Variants in MERTK observed in about 807,000 individuals in gnomAD.
MERTK encodes tyrosine-protein kinase Mer.
A neutral mutation model predicts 99.3 loss-of-function variants in MERTK; 69 were observed. The observed-to-expected ratio is 0.70, with a 90% CI of 0.57 to 0.85. MERTK has a LOEUF of 0.85. Among genes scored for constraint, MERTK ranks in the 40% least tolerant of loss-of-function variants. MERTK has a pLI of 0.00. For synonymous variants in MERTK, 426 were observed against 467.6 expected (o/e 0.91, Z 1.15); for missense variants, 1,125 against 1,249.4 (o/e 0.90, Z 1.50).
intron 1 of MERTK, among the ~76,000 whole-genome samples, chr2:111,927,948 C>T (rs190860756): frequency 2.0e-5 from 3 of 152,228 alleles, no homozygotes; most frequent in East Asian, 1.9e-4. Flanking sequence ...TCCCTCCCAA[C>T]GTATTTGAAT....
At chr2:112,021,031 TAA>T (rs763950331) in intron 16 of MERTK, among the ~76,000 whole-genome samples, 39 of 115,726 alleles carry the variant, frequency 3.4e-4, no homozygotes, top group Admixed American at 2.7e-4. Flanking sequence ...CCATGTCTAC[TAA>T]AAAAAAAAAA....
chr2:111,957,253 G>C (rs1362080811), intron 4 of MERTK, among the ~76,000 whole-genome samples: 1 of 152,084 alleles, frequency 6.6e-6, no homozygotes, highest in East Asian at 1.9e-4. Flanking sequence ...TTCTCCATGT[G>C]GCCGCTGGAG....
chr2:112,021,340 T>C, intron 16 of MERTK, 82 bp from the exon 17 acceptor site: 1 of 1,590,492 alleles, frequency 6.3e-7, no homozygotes, highest in Non-Finnish European at 8.6e-7. Context: ...TTATCATAAG[T>C]GTTTTCACCT....
At chr2:111,928,425 A>G (rs1243820831) in intron 1 of MERTK, among the ~76,000 whole-genome samples, 2 of 150,080 alleles carry the variant, frequency 1.3e-5, no homozygotes, top group East Asian at 2.0e-4. Flanking sequence ...TCGAACCTCA[A>G]TCAGCTTTTT....
At chr2:111,964,770 T>C (rs1484288001) in intron 4 of MERTK, among the ~76,000 whole-genome samples, 2 of 152,230 alleles carry the variant, frequency 1.3e-5, no homozygotes, top group African/African-American at 4.8e-5. Flanking sequence ...ATTTTTAAAC[T>C]GTGGCTTTTA....
At chr2:111,950,698 G>T (rs1056940168) in intron 4 of MERTK, among the ~76,000 whole-genome samples, 3 of 152,122 alleles carry the variant, frequency 2.0e-5, no homozygotes, top group African/African-American at 7.2e-5. Context: ...GTCTCTTCTT[G>T]TGCTTATTAA....
chr2:111,938,449 T>A (rs752918593), intron 2 of MERTK, among the ~76,000 whole-genome samples: 138 of 152,314 alleles, frequency 9.1e-4, no homozygotes, highest in South Asian at 3.9e-3. Flanking sequence ...GTATTTCTTT[T>A]AAAAAGACTC....
At chr2:111,918,723 G>A (rs534612794) in intron 1 of MERTK, among the ~76,000 whole-genome samples, 56 of 152,346 alleles carry the variant, frequency 3.7e-4, no homozygotes, top group African/African-American at 1.3e-3. Context: ...TTTGAAACAA[G>A]ACAGATCAGA....
intron 4 of MERTK, among the ~76,000 whole-genome samples, chr2:111,964,727 T>TA (rs1288952301): frequency 6.6e-6 from 1 of 152,178 alleles, no homozygotes; most frequent in African/African-American, 2.4e-5. Context: ...TTTTTACTAT[T>TA]AAAAAAGGAT....
chr2:111,969,675 C>G (rs1055094895), intron 6 of MERTK, among the ~76,000 whole-genome samples: 6 of 150,002 alleles, frequency 4.0e-5, no homozygotes, highest in African/African-American at 1.5e-4. Context: ...CCTCACCCAC[C>G]ACCTCCAGCC....
At chr2:111,907,469 C>T (rs905489144) in intron 1 of MERTK, among the ~76,000 whole-genome samples, 1 of 152,190 alleles carries the variant, frequency 6.6e-6, no homozygotes, top group Non-Finnish European at 1.5e-5. Context: ...CCATTCCCTG[C>T]CACCTGGGCT....
chr2:111,996,798 T>C (rs1343249719), intron 9 of MERTK: 1 of 180,236 alleles, frequency 5.5e-6, no homozygotes, highest in African/African-American at 2.4e-5. Context: ...CGATCCAAAC[T>C]TAGAAAGGAA....
chr2:111,933,066 G>A (rs1316679110), intron 2 of MERTK, among the ~76,000 whole-genome samples: 1 of 152,164 alleles, frequency 6.6e-6, no homozygotes. Flanking sequence ...CCAAGATGGC[G>A]ATACTCCTGC....
intron 10 of MERTK, among the ~76,000 whole-genome samples, chr2:111,998,495 G>A (rs1676798976): frequency 6.6e-6 from 1 of 152,144 alleles, no homozygotes; most frequent in African/African-American, 2.4e-5. Flanking sequence ...CACAGTTCAT[G>A]GGGAGTCAGG....
chr2:111,906,222 C>CT (rs1684134323), intron 1 of MERTK, among the ~76,000 whole-genome samples: 4 of 152,118 alleles, frequency 2.6e-5, no homozygotes, highest in Admixed American at 2.6e-4. Flanking sequence ...TGACAGGTCC[C>CT]CTTTTTTGTG....
intron 7 of MERTK, among the ~76,000 whole-genome samples, chr2:111,978,190 C>G (rs1676294463): frequency 6.7e-6 from 1 of 149,912 alleles, no homozygotes; most frequent in Non-Finnish European, 1.5e-5. Flanking sequence ...ACTCTCGTTG[C>G]CCAGGCTGGA....
chr2:112,022,867 G>A (rs183601048), intron 18 of MERTK, among the ~76,000 whole-genome samples: 16 of 152,212 alleles, frequency 1.1e-4, no homozygotes, highest in Admixed American at 9.2e-4. Flanking sequence ...ATGACTTTGG[G>A]GTCAGGCTGC....
At chr2:111,994,847 T>C (rs866764413) in intron 9 of MERTK, 2 of 305,852 alleles carry the variant, frequency 6.5e-6, no homozygotes, top group African/African-American at 4.4e-5. Flanking sequence ...GATAAAGATA[T>C]GATATGATAA....
chr2:111,931,794 C>T (rs1684677334), intron 2 of MERTK, among the ~76,000 whole-genome samples: 1 of 152,184 alleles, frequency 6.6e-6, no homozygotes, highest in East Asian at 1.9e-4. Context: ...GAGCATAGCC[C>T]TACCTTGCTG....
Sources: gnomAD v4.1 joint callset for allele counts (sites outside exome capture counted in the v4.1 genomes callset) on GRCh38, gnomAD v4.1.1 for gene constraint, MANE v1.5 for transcripts, NCBI Gene and HGNC (gene_info 2026-07-23, HGNC 2026-07-21) for gene names.